Variants in TRHDE observed in about 807,000 individuals in gnomAD.
TRHDE encodes the protein thyrotropin-releasing hormone-degrading ectoenzyme.
In TRHDE, 72 loss-of-function variants were observed where a neutral mutation model predicts 125.7. The observed-to-expected ratio is 0.57, with a 90% CI of 0.47 to 0.70. The LOEUF (loss-of-function observed/expected upper bound fraction) is 0.70. Among genes scored for constraint, TRHDE ranks in the 30% least tolerant of loss-of-function variants. The probability of loss-of-function intolerance (pLI) is 0.00; values close to 1 mark genes in which losing one functional copy is unlikely to be tolerated. For synonymous variants in TRHDE, 509 were observed against 509.1 expected (o/e 1.00, Z 0.00); for missense variants, 1,110 against 1,327.1 (o/e 0.84, Z 2.54).
intron 2 of TRHDE, among the ~76,000 whole-genome samples, chr12:72,309,307 GAA>G (rs1298595440): frequency 6.6e-6 from 1 of 152,158 alleles, no homozygotes; most frequent in Non-Finnish European, 1.5e-5. Context: ...GAAAGTGTGA[GAA>G]AGAGAGGTAG....
Position 72,652,972 on chromosome 12 carries a change from T to A in TRHDE, c.2844-44T>A, listed in dbSNP as rs7961493. 1.0e-5 allele frequency: 16 copies of A among 1,535,532 alleles called. No homozygotes were observed. In the African/African-American group the frequency reaches 2.1e-4, roughly 20 times the overall value. On this transcript the variant is annotated intron_variant, in intron 16 of 18. Transcript: ENST00000261180. ...ATTTTAGTAAGATTATAAAAATGTTTAAGTTATTGGACTAAAAATTTTTAC... is the reference window on the plus strand; with the variant it reads ...ATTTTAGTAAGATTATAAAAATGTTAAAGTTATTGGACTAAAAATTTTTAC...
intron 15 of TRHDE, among the ~76,000 whole-genome samples, chr12:72,622,183 G>C (rs898708260): frequency 6.6e-6 from 1 of 151,886 alleles, no homozygotes; most frequent in African/African-American, 2.4e-5. Context: ...AAAAATAAAA[G>C]GTTATGAAAA....
intron 1 of TRHDE, among the ~76,000 whole-genome samples, chr12:72,101,457 C>G (rs532283330): frequency 6.6e-6 from 1 of 152,238 alleles, no homozygotes; most frequent in South Asian, 2.1e-4. Flanking sequence ...ATTACAGTAT[C>G]AACTCTAAGA....
At chr12:72,435,141 G>A (rs1452451753) in intron 3 of TRHDE, among the ~76,000 whole-genome samples, 2 of 152,158 alleles carry the variant, frequency 1.3e-5, no homozygotes, top group Non-Finnish European at 2.9e-5. Context: ...AGCTAGAAAT[G>A]GAGATTTATT....
At chr12:72,601,373 G>T (rs10784977) in intron 12 of TRHDE, among the ~76,000 whole-genome samples, 10,276 of 152,176 alleles carry the variant, frequency 0.068, 418 homozygotes, top group Middle Eastern at 0.11. Flanking sequence ...TTCTTGAAAT[G>T]TCATCGACTA....
chr12:72,102,773 G>A (rs985162020), intron 1 of TRHDE, among the ~76,000 whole-genome samples: 1 of 152,198 alleles, frequency 6.6e-6, no homozygotes, highest in Non-Finnish European at 1.5e-5. Context: ...GCAGATCCCA[G>A]TGTATCATGA....
intron 2 of TRHDE, among the ~76,000 whole-genome samples, chr12:72,305,901 T>C (rs1868334063): frequency 6.6e-6 from 1 of 152,216 alleles, no homozygotes; most frequent in African/African-American, 2.4e-5. Flanking sequence ...ATCCTCGATT[T>C]CTCTCTTGGT....
At chr12:72,118,080 C>G (rs1007750682) in intron 2 of TRHDE, among the ~76,000 whole-genome samples, 3 of 152,048 alleles carry the variant, frequency 2.0e-5, no homozygotes. Flanking sequence ...TCTGATTACT[C>G]TAGCTAGGAC....
intron 3 of TRHDE, among the ~76,000 whole-genome samples, chr12:72,461,556 A>G (rs1233678480): frequency 1.3e-5 from 2 of 152,084 alleles, no homozygotes; most frequent in Admixed American, 1.3e-4. Context: ...TTTATTCTTA[A>G]ACACAAATGC....
Position 72,278,452 on chromosome 12 carries a change from A to G in TRHDE, c.914+4895A>G, listed in dbSNP as rs1032143765. 2.0e-5 allele frequency among the ~76,000 whole-genome samples: 3 copies of G among 152,168 alleles called. No homozygotes were observed. The East Asian group carries it at 5.8e-4, about 29-fold the overall frequency. On this transcript the variant is annotated intron_variant, in intron 1 of 18. Transcript: ENST00000261180. ...TTCTTTTTCTTTGGATATATAATCC[A>G]CCAGTAGTGGGATTGCCAGATCATA...
intron 2 of TRHDE, among the ~76,000 whole-genome samples, chr12:72,259,368 T>A (rs1878895242): frequency 6.6e-6 from 1 of 152,126 alleles, no homozygotes; most frequent in African/African-American, 2.4e-5. Flanking sequence ...CTCATTGTTT[T>A]TCTGAGAACT....
chr12:72,505,979 G>T (rs1229051975), intron 6 of TRHDE, among the ~76,000 whole-genome samples: 1 of 152,028 alleles, frequency 6.6e-6, no homozygotes, highest in Non-Finnish European at 1.5e-5. Flanking sequence ...TTCTGCAAGG[G>T]GGAAAAAAGA....
intron 3 of TRHDE, among the ~76,000 whole-genome samples, chr12:72,448,409 C>G (rs1288082788): frequency 6.6e-6 from 1 of 152,018 alleles, no homozygotes; most frequent in East Asian, 1.9e-4. Flanking sequence ...AACAAATTTA[C>G]TTCAACTGAA....
At chr12:72,457,293 G>T (rs1030459022) in intron 3 of TRHDE, among the ~76,000 whole-genome samples, 2 of 152,132 alleles carry the variant, frequency 1.3e-5, no homozygotes, top group Non-Finnish European at 2.9e-5. Flanking sequence ...ATGTAGTAAA[G>T]TAACACTATG....
chr12:72,541,566 A>G (rs919399457), intron 6 of TRHDE, among the ~76,000 whole-genome samples: 3 of 151,534 alleles, frequency 2.0e-5, no homozygotes, highest in African/African-American at 7.3e-5. Flanking sequence ...AGGAAATGAA[A>G]ATGATTAGAC....
intron 12 of TRHDE, among the ~76,000 whole-genome samples, chr12:72,605,435 G>GCTAAGTACCAA (rs1872399150): frequency 6.6e-6 from 1 of 151,980 alleles, no homozygotes; most frequent in African/African-American, 2.4e-5. Flanking sequence ...CCTTATGAGG[G>GCTAAGTACCAA]AGAGCAAAGT....
intron 3 of TRHDE, among the ~76,000 whole-genome samples, chr12:72,452,836 C>T (rs529472957): frequency 2.6e-5 from 4 of 152,196 alleles, no homozygotes; most frequent in South Asian, 4.2e-4. Flanking sequence ...CCTACTCCCC[C>T]TTTGCCATGA....
At chr12:72,392,919 C>T (rs893423129) in intron 3 of TRHDE, among the ~76,000 whole-genome samples, 1 of 152,036 alleles carries the variant, frequency 6.6e-6, no homozygotes, top group Admixed American at 6.6e-5. Flanking sequence ...AGATTCATCA[C>T]ATTAATGGAA....
At chr12:72,504,654 C>T (rs984679708) in intron 6 of TRHDE, among the ~76,000 whole-genome samples, 2 of 152,130 alleles carry the variant, frequency 1.3e-5, no homozygotes, top group African/African-American at 2.4e-5. Flanking sequence ...GAGTTTAAAG[C>T]AGAGGAGTCA....
Sources: gnomAD v4.1 joint callset for allele counts (sites outside exome capture counted in the v4.1 genomes callset) on GRCh38, gnomAD v4.1.1 for gene constraint, MANE v1.5 for transcripts, NCBI Gene and HGNC (gene_info 2026-07-23, HGNC 2026-07-21) for gene names.